CSMD1: variants seen among roughly 807,000 people sequenced by gnomAD.
CSMD1 encodes CUB and sushi domain-containing protein 1.
In CSMD1, 213 loss-of-function variants were observed where a neutral mutation model predicts 417.5. The ratio of observed to expected loss-of-function variants is 0.51; its 90% confidence interval spans 0.46 to 0.57. CSMD1 has a LOEUF of 0.57. CSMD1 is among the 20% of genes least tolerant of loss of function. The pLI, the probability that CSMD1 is intolerant of heterozygous loss-of-function variation, is 0.00. For synonymous variants in CSMD1, 2,862 were observed against 1,736.8 expected, an observed-to-expected ratio of 1.65 and a Z score of -16.11; for missense variants, 6,923 against 4,529.7, an observed-to-expected ratio of 1.53 and a Z score of -15.17.
At chr8:4,366,902 C>T (rs1222185430) in intron 3 of CSMD1, among the ~76,000 whole-genome samples, 3 of 151,670 alleles carry the variant, frequency 2.0e-5, no homozygotes, top group Admixed American at 1.3e-4. Context: ...GGTTGTTTTT[C>T]GTTTGCTGAT....
intron 11 of CSMD1, among the ~76,000 whole-genome samples, chr8:3,473,082 T>C (rs567504196): frequency 2.0e-5 from 3 of 152,176 alleles, no homozygotes; most frequent in African/African-American, 7.2e-5. Context: ...AACGTAATTG[T>C]CATGTAAAAA....
Position 3,000,619 on chromosome 8 carries a change from T to A in CSMD1, c.8030-488A>T, listed in dbSNP as rs371102333. ...GAAAGACAGGGATCAGAGAATAAGTTCAATTTCAATTATGAAAATCTGAGT... is the reference window on the plus strand; with the variant it reads ...GAAAGACAGGGATCAGAGAATAAGTACAATTTCAATTATGAAAATCTGAGT... On this transcript the variant is annotated intron_variant, in intron 52 of 69. Coordinates refer to ENST00000635120, the MANE Select transcript of CSMD1 (RefSeq NM_033225.6). Among the ~76,000 whole-genome samples, 217 of 152,308 alleles carry A rather than the reference T, an allele frequency of 1.4e-3. 2 individuals are homozygous for A. Among genetic ancestry groups the A allele is most frequent in the African/African-American group, 5.0e-3 (207 of 41,578 alleles).
At chr8:4,791,027 C>A (rs767417073) in intron 1 of CSMD1, among the ~76,000 whole-genome samples, 6 of 151,986 alleles carry the variant, frequency 3.9e-5, no homozygotes, top group Non-Finnish European at 8.8e-5. Context: ...AATAAACTAT[C>A]AGGAGAGTAA....
chr8:4,043,128 G>C (rs564577257), intron 3 of CSMD1, among the ~76,000 whole-genome samples: 7 of 152,106 alleles, frequency 4.6e-5, no homozygotes, highest in South Asian at 2.1e-4. Flanking sequence ...GTGAGACTCT[G>C]TCTACAAAAC....
intron 57 of CSMD1, 60 bp from the exon 58 acceptor site, chr8:2,966,806 A>C: frequency 6.6e-7 from 1 of 1,512,506 alleles, no homozygotes; most frequent in Non-Finnish European, 9.1e-7. Flanking sequence ...AAAATGGCAA[A>C]CACAAGAGAC....
At chr8:3,301,360 A>G (rs1263482775) in intron 25 of CSMD1, among the ~76,000 whole-genome samples, 1 of 152,078 alleles carries the variant, frequency 6.6e-6, no homozygotes, top group Non-Finnish European at 1.5e-5. Flanking sequence ...TAAATGAGAA[A>G]TGAAGCTCAC....
rs62504969 is a variant in CSMD1, at chr8:3,237,872, A to C, written c.4154-7641T>G. ...TTATACTATAAATATAATTTTTATAATTATACTATAAATATAATTTTTATA... is the reference window on the plus strand; with the variant it reads ...TTATACTATAAATATAATTTTTATACTTATACTATAAATATAATTTTTATA... On this transcript the variant is annotated intron_variant, in intron 26 of 69. Coordinates refer to ENST00000635120, the MANE Select transcript of CSMD1 (RefSeq NM_033225.6). 1.4e-3 allele frequency among the ~76,000 whole-genome samples: 10 copies of C among 7,264 alleles called. 2 individuals are homozygous for C. Among genetic ancestry groups the C allele is most frequent in the African/African-American group, 3.3e-3 (10 of 3,052 alleles). The allele number at this position is 7,264 out of a possible 152,430, so 4.8% of individuals were successfully genotyped here. A position where few individuals can be genotyped will look rare whatever the true frequency, so the allele number is the denominator to read the frequency against.
rs529208697 is a variant in CSMD1 at position 3,179,976 on chromosome 8, T to C, written c.5725+1134A>G. Reference sequence around the variant, plus strand: ...TAGAATATTTATCATCAGCTGGCAATCTGGCCTTTCAAAAATATGCATGCA... The same window carrying C: ...TAGAATATTTATCATCAGCTGGCAACCTGGCCTTTCAAAAATATGCATGCA... On this transcript the variant is annotated intron_variant, in intron 37 of 69. Transcript: ENST00000635120. Among the ~76,000 whole-genome samples, 3 of 152,322 alleles carry C rather than the reference T, an allele frequency of 2.0e-5. No homozygotes were observed. The East Asian group carries it at 5.8e-4, about 29-fold the overall frequency.
At chr8:4,572,331 GA>G (rs1237652734) in intron 2 of CSMD1, among the ~76,000 whole-genome samples, 1 of 152,156 alleles carries the variant, frequency 6.6e-6, no homozygotes, top group African/African-American at 2.4e-5. Context: ...AAATCCCCCA[GA>G]ATTTGCTTTT....
intron 3 of CSMD1, among the ~76,000 whole-genome samples, chr8:4,201,465 G>C (rs778328932): frequency 1.1e-4 from 15 of 138,240 alleles, no homozygotes; most frequent in Non-Finnish European, 2.1e-4. Context: ...ATGAACACGG[G>C]AGGCGGAGCT....
At chr8:4,437,037 G>A (rs1310257215) in intron 2 of CSMD1, among the ~76,000 whole-genome samples, 2 of 152,118 alleles carry the variant, frequency 1.3e-5, no homozygotes, top group African/African-American at 2.4e-5. Flanking sequence ...TTGAGACTCA[G>A]TGCTTTTTCC....
chr8:4,484,674 G>A (rs555282533), intron 2 of CSMD1, among the ~76,000 whole-genome samples: 26 of 151,334 alleles, frequency 1.7e-4, no homozygotes, highest in African/African-American at 5.8e-4. Context: ...GGAAGATATT[G>A]AAAGAGGAAA....
chr8:3,167,399 C>T (rs1820297515), intron 37 of CSMD1, among the ~76,000 whole-genome samples: 2 of 151,906 alleles, frequency 1.3e-5, no homozygotes, highest in Non-Finnish European at 2.9e-5. Context: ...ACTCTGAATG[C>T]CCAGGTGCCC....
chr8:4,774,389 C>G (rs898445087), intron 1 of CSMD1, among the ~76,000 whole-genome samples: 2 of 152,152 alleles, frequency 1.3e-5, no homozygotes, highest in Middle Eastern at 3.4e-3. Flanking sequence ...TCTTGAATCC[C>G]ACCTCCAGTT....
At chr8:3,828,358 G>A (rs1488746954) in intron 5 of CSMD1, among the ~76,000 whole-genome samples, 3 of 152,108 alleles carry the variant, frequency 2.0e-5, no homozygotes, top group Admixed American at 1.3e-4. Flanking sequence ...AATCTGTTAG[G>A]ATTTTCATAG....
intron 1 of CSMD1, among the ~76,000 whole-genome samples, chr8:4,759,876 C>T (rs537243945): frequency 6.6e-6 from 1 of 152,270 alleles, no homozygotes; most frequent in South Asian, 2.1e-4. Flanking sequence ...TGAATATAGG[C>T]ATGCATGTGT....
At chr8:3,086,809 A>G (rs987711295) in intron 49 of CSMD1, among the ~76,000 whole-genome samples, 1 of 152,216 alleles carries the variant, frequency 6.6e-6, no homozygotes, top group Non-Finnish European at 1.5e-5. Context: ...ATTATTTTGA[A>G]TCTTAAATTG....
chr8:3,422,220 T>C (rs1813540204), intron 12 of CSMD1, among the ~76,000 whole-genome samples: 1 of 152,146 alleles, frequency 6.6e-6, no homozygotes, highest in Non-Finnish European at 1.5e-5. Context: ...GGGGCTGCTG[T>C]TTCCTCAAGG....
Position 4,854,737 on chromosome 8 carries a change from A to G in CSMD1, c.85+139595T>C, listed in dbSNP as rs189502827. 3.1e-3 allele frequency among the ~76,000 whole-genome samples: 469 copies of G among 152,264 alleles called. 2 individuals carry two copies. Among genetic ancestry groups the G allele is most frequent in the Admixed American group, 8.4e-3 (128 of 15,300 alleles). ...AAAAAACGGTGCACCACGAGATTCTATCCCACACCTGGCTCGGAGGGTCCT... is the reference window on the plus strand; with the variant it reads ...AAAAAACGGTGCACCACGAGATTCTGTCCCACACCTGGCTCGGAGGGTCCT... On this transcript the variant is annotated intron_variant, in intron 1 of 69. Coordinates refer to ENST00000635120, the MANE Select transcript of CSMD1 (RefSeq NM_033225.6).
Sources: gnomAD v4.1 joint callset for allele counts (sites outside exome capture counted in the v4.1 genomes callset) on GRCh38, gnomAD v4.1.1 for gene constraint, MANE v1.5 for transcripts, NCBI Gene and HGNC (gene_info 2026-07-23, HGNC 2026-07-21) for gene names.